Variants in FREM2 observed in about 807,000 individuals in gnomAD.
FREM2 encodes the protein FRAS1 related extracellular matrix 2, also known as FRAS1-related extracellular matrix protein 2.
Under a neutral mutation model 219.9 loss-of-function variants are expected in FREM2, and 119 were observed. The observed-to-expected ratio is 0.54, with a 90% CI of 0.47 to 0.63. The LOEUF (loss-of-function observed/expected upper bound fraction) is 0.63. Ranked by LOEUF, FREM2 falls within the 30% of genes least tolerant of loss-of-function variation. The pLI is 0.00. For synonymous variants in FREM2, 1,562 were observed against 1,522.8 expected (o/e 1.03, Z -0.60); for missense variants, 4,030 against 3,993.6 (o/e 1.01, Z -0.25).
chr13:38,861,412 G>C lies in FREM2; in HGVS notation c.7520-19G>C. ...GATTACCTTCTTTTCGCATAAATAT[G>C]GTCTTTTTTTTTTTCAAGGTCTTTG... is the stretch of plus-strand genomic sequence containing the variant. On this transcript the variant is annotated intron_variant, in intron 14 of 23. Transcript: ENST00000280481. The C allele has an allele frequency of 6.2e-7, 1 of 1,604,094 alleles. No individual in the cohort carries two copies. Among genetic ancestry groups the C allele is most frequent in the Non-Finnish European group, 8.5e-7 (1 of 1,174,402 alleles).
At chr13:38,693,695 C>A (rs940440979) in intron 1 of FREM2, among the ~76,000 whole-genome samples, 17 of 152,170 alleles carry the variant, frequency 1.1e-4, no homozygotes, top group Non-Finnish European at 1.2e-4. Context: ...TCTTTTCCTG[C>A]AACTGTGTTG....
In FREM2 at chr13:38,687,846, C is replaced by A; in HGVS notation, c.502C>A (p.Leu168Met). The change falls in exon 1 of 24, where the codon CTG becomes ATG. Residue 168 changes from leucine (L) to methionine (M), a missense_variant. This residue lies in a region of FREM2 where 3,102 missense variants were observed against 2,950.7 expected (regional missense o/e 1.05). Coordinates refer to ENST00000280481, the MANE Select transcript of FREM2 (RefSeq NM_207361.6). ...GCCCGGAGGGGCAGTAGTGCTACCA[C>A]TGGTACTGGAGGTGGAGGTGGTCTT... ...DAPGGAVVLP[L>M]VLEVEVVFTQ... The A allele has an allele frequency of 6.4e-7, 1 of 1,562,536 alleles. No homozygotes were observed. The highest frequency in any genetic ancestry group is 8.7e-7 in the Non-Finnish European group (1 of 1,149,964).
chr13:38,838,762 T>C (rs1876822411), intron 6 of FREM2, among the ~76,000 whole-genome samples: 1 of 152,226 alleles, frequency 6.6e-6, no homozygotes, highest in Non-Finnish European at 1.5e-5. Flanking sequence ...CAGCTATTGA[T>C]ACTTGTGTAT....
chr13:38,706,658 G>A (rs1416270990), intron 2 of FREM2, among the ~76,000 whole-genome samples: 7 of 152,106 alleles, frequency 4.6e-5, no homozygotes, highest in African/African-American at 1.7e-4. Flanking sequence ...ATAAAATCCT[G>A]CTTTTTCTGA....
intron 2 of FREM2, among the ~76,000 whole-genome samples, chr13:38,707,305 A>G (rs1444374005): frequency 2.0e-5 from 3 of 152,246 alleles, no homozygotes; most frequent in Admixed American, 6.5e-5. Flanking sequence ...GCAGAGTATT[A>G]GTATTCTTGG....
chr13:38,777,243 T>C (rs1873909288), intron 4 of FREM2, among the ~76,000 whole-genome samples: 1 of 152,178 alleles, frequency 6.6e-6, no homozygotes. Context: ...GTTTCTAACT[T>C]CGTTTTTTCT....
At chr13:38,731,430 G>A (rs950705265) in intron 2 of FREM2, among the ~76,000 whole-genome samples, 13 of 152,228 alleles carry the variant, frequency 8.5e-5, no homozygotes, top group African/African-American at 2.9e-4. Flanking sequence ...GAATGCATTA[G>A]CTTGATAAAT....
At chr13:38,709,644 C>A (rs1870685583) in intron 2 of FREM2, among the ~76,000 whole-genome samples, 1 of 152,062 alleles carries the variant, frequency 6.6e-6, no homozygotes, top group African/African-American at 2.4e-5. Flanking sequence ...TATCATAGTA[C>A]AAATTGCTCC....
chr13:38,857,580 A>G (rs1170178919), intron 12 of FREM2, among the ~76,000 whole-genome samples: 2 of 152,028 alleles, frequency 1.3e-5, no homozygotes, highest in Non-Finnish European at 2.9e-5. Flanking sequence ...TGTCATCACA[A>G]CTGGAGAAAA....
At chr13:38,769,448 C>T in intron 3 of FREM2, 130 bp from the exon 4 acceptor site, 1 of 793,450 alleles carries the variant, frequency 1.3e-6, no homozygotes, top group South Asian at 1.5e-5. Flanking sequence ...CCCAATTTTC[C>T]ATTTCATGAG....
At position 38,735,855 on chromosome 13, in the gene FREM2, A is replaced by G. The variant is rs553959104; in HGVS notation, c.5264-28449A>G. Among the ~76,000 whole-genome samples, 25 of 152,288 alleles carry G rather than the reference A, an allele frequency of 1.6e-4. No homozygotes were observed. The East Asian group carries it at 4.6e-3, about 28-fold the overall frequency. ...CCCTATCTGAGGAGCCATCGCCACC[A>G]GTATTTCCAGGCAATTAATGTGGGA... On this transcript the variant is annotated intron_variant, in intron 2 of 23. Coordinates refer to ENST00000280481, the MANE Select transcript of FREM2 (RefSeq NM_207361.6).
chr13:38,874,438 T>C, intron 17 of FREM2, 44 bp from the exon 18 acceptor site: 1 of 1,484,710 alleles, frequency 6.7e-7, no homozygotes, highest in Non-Finnish European at 9.4e-7. Context: ...ATAAGGGGTC[T>C]CTGGCTACAT....
At position 38,784,743 on chromosome 13, in the gene FREM2, TG is replaced by T. The variant is rs1203847698; in HGVS notation, c.5960del (p.Gly1987GlufsTer59). On this transcript the variant is annotated frameshift_variant, in exon 6 of 24. Coordinates refer to ENST00000280481, the MANE Select transcript of FREM2 (RefSeq NM_207361.6). LOFTEE classifies it high-confidence loss of function. ...TTCCATGTCCTTCTGAGCATGCCCA[TG>T]GGGGGAAGAATCGGATCAGAGTTCC... ...ETFHVLLSMPMGGRIGSEFPG... is the reference protein window; with the variant it reads ...ETFHVLLSMPXGGRIGSEFPG... The T allele has an allele frequency of 6.2e-7, 1 of 1,614,124 alleles. No homozygotes were observed. Among genetic ancestry groups the T allele is most frequent in the African/African-American group, 1.3e-5 (1 of 75,062 alleles).
intron 2 of FREM2, among the ~76,000 whole-genome samples, chr13:38,751,864 CTGTGTGTGTGTGTG>C (rs59365871): frequency 7.7e-6 from 1 of 130,252 alleles, no homozygotes; most frequent in Admixed American, 7.3e-5. Flanking sequence ...TGTACTTACT[CTGTGTGTGTGTGTG>C]TGTGTGTGTG....
At position 38,880,634 on chromosome 13, in the gene FREM2, G is replaced by C. The variant is rs41306664; in HGVS notation, c.9357G>C (p.Thr3119=). The C allele has an allele frequency of 0.062, 100,237 of 1,613,978 alleles. 3,672 individuals carry two copies. Among genetic ancestry groups the C allele is most frequent in the Non-Finnish European group, 0.075 (88,533 of 1,179,880 alleles). ...TGGTCACTGTGGTGGGAGGCACCAC[G>C]GTAGGGTTACTCACCATCTGCCTCA... is the stretch of plus-strand genomic sequence containing the variant. The part of the protein sequence containing the change: ...VSLVTVVGGT[T]VGLLTICLTV... The change falls in exon 24 of 24, where the codon ACG becomes ACC. Residue 3119 remains threonine, a synonymous_variant. Transcript: ENST00000280481.
intron 4 of FREM2, among the ~76,000 whole-genome samples, chr13:38,776,378 G>A (rs188422939): frequency 3.2e-3 from 487 of 152,172 alleles, no homozygotes; most frequent in African/African-American, 0.011. Flanking sequence ...TTCTATCATT[G>A]TTTAGCAGAG....
At chr13:38,873,667 G>GT (rs1161088483) in intron 17 of FREM2, among the ~76,000 whole-genome samples, 1 of 152,158 alleles carries the variant, frequency 6.6e-6, no homozygotes, top group African/African-American at 2.4e-5. Flanking sequence ...TTTCAGACAT[G>GT]TATTACTGTT....
At position 38,860,096 on chromosome 13, in the gene FREM2, G is replaced by C. The variant is rs574383358; in HGVS notation, c.7519+506G>C. ...GAAATGGGGAAGCTTCTGAGAGGGA[G>C]AGGAGGAAAAACCAGGAGACAAGGC... On this transcript the variant is annotated intron_variant, in intron 14 of 23. Transcript: ENST00000280481. Among the ~76,000 whole-genome samples the C allele has an allele frequency of 1.9e-3, 285 of 152,218 alleles. 5 individuals carry two copies. The highest frequency in any genetic ancestry group is 0.018 in the Admixed American group (282 of 15,280).
At chr13:38,733,740 T>C (rs1180694316) in intron 2 of FREM2, among the ~76,000 whole-genome samples, 3 of 152,198 alleles carry the variant, frequency 2.0e-5, no homozygotes, top group Non-Finnish European at 4.4e-5. Flanking sequence ...GCCCCTGGCC[T>C]CAAACAATCC....
Sources: allele counts gnomAD v4.1 joint callset (sites outside exome capture counted in the v4.1 genomes callset), GRCh38; gene constraint gnomAD v4.1.1; regional missense constraint gnomAD v4.1.1; transcripts MANE v1.5; gene names NCBI Gene and HGNC (gene_info 2026-07-23, HGNC 2026-07-21).